Variants in HDGFL3 observed in about 807,000 individuals in gnomAD.
HDGFL3 encodes HDGF like 3.
Under a neutral mutation model 27.6 loss-of-function variants are expected in HDGFL3, and 6 were observed. The ratio of observed to expected loss-of-function variants is 0.22; its 90% CI spans 0.12 to 0.43. The LOEUF (loss-of-function observed/expected upper bound fraction) is 0.43, where lower values mean the gene tolerates loss of function less well. HDGFL3 is among the 20% of genes least tolerant of loss of function. The pLI is 1.00. For synonymous variants in HDGFL3, 88 were observed against 88.9 expected, an observed-to-expected ratio of 0.99 and a Z score of 0.05; for missense variants, 207 against 250.1, an observed-to-expected ratio of 0.83 and a Z score of 1.16.
intron 1 of HDGFL3, chr15:83,189,644 C>G (rs2037487613): frequency 6.6e-6 from 1 of 152,116 alleles, no homozygotes; most frequent in African/African-American, 2.4e-5. Context: ...CATATCTCCC[C>G]CTCTAAACTA....
intron 3 of HDGFL3, 93 bp from the exon 4 acceptor site, chr15:83,157,666 GT>G: frequency 7.9e-7 from 1 of 1,260,024 alleles, no homozygotes; most frequent in Non-Finnish European, 1.1e-6. Flanking sequence ...ATTTGAAAGG[GT>G]TCCGCTTACT....
intron 1 of HDGFL3, among the ~76,000 whole-genome samples, chr15:83,200,044 CAAAAAAAAA>C (rs796608256): frequency 2.4e-5 from 2 of 83,764 alleles, no homozygotes; most frequent in Non-Finnish European, 4.7e-5. Flanking sequence ...AACTCCATCT[CAAAAAAAAA>C]AAAAAAAAGG....
intron 4 of HDGFL3, among the ~76,000 whole-genome samples, chr15:83,156,371 T>C (rs2037029244): frequency 6.6e-6 from 1 of 152,158 alleles, no homozygotes; most frequent in Non-Finnish European, 1.5e-5. Flanking sequence ...TTTACGTGAT[T>C]ACTGTGTGCT....
At position 83,207,470 on chromosome 15, in the gene HDGFL3, G is replaced by T. The variant is rs561159915; in HGVS notation, c.-56C>A. 6 of 1,215,302 alleles carry T rather than the reference G, an allele frequency of 4.9e-6. No individual in the cohort carries two copies. The South Asian group carries it at 2.1e-4, about 42-fold the overall frequency. 75.3% of individuals were successfully genotyped at this position (1,215,302 alleles called of 1,614,324 possible). A position where few individuals can be genotyped will look rare whatever the true frequency, so the allele number is the denominator to read the frequency against. Reference sequence around the variant, plus strand: ...GTCGCCGCGAAGATGCCGGGAGGCCGCCCCCCCGCGGGCCGACGAATTGCG... The same window carrying T: ...GTCGCCGCGAAGATGCCGGGAGGCCTCCCCCCCGCGGGCCGACGAATTGCG... On this transcript the variant is annotated 5_prime_UTR_variant, in exon 1 of 6. Coordinates refer to ENST00000299633, the MANE Select transcript of HDGFL3 (RefSeq NM_016073.4). This position sits in a 1 kb window ranked among gnomAD's most constrained non-coding sequence, Gnocchi z 4.8.
intron 1 of HDGFL3, among the ~76,000 whole-genome samples, chr15:83,187,327 C>A (rs952174399): frequency 6.6e-6 from 1 of 151,784 alleles, no homozygotes; most frequent in Non-Finnish European, 1.5e-5. Context: ...GTTACACGGG[C>A]AGAGTTTTTT....
intron 1 of HDGFL3, among the ~76,000 whole-genome samples, chr15:83,167,207 G>C (rs1373462309): frequency 1.3e-5 from 2 of 152,178 alleles, no homozygotes; most frequent in Admixed American, 6.5e-5. Context: ...AAACATAAAA[G>C]AGCAGGAGTT....
chr15:83,151,107 C>T, intron 5 of HDGFL3, 108 bp downstream of exon 5: 1 of 1,030,524 alleles, frequency 9.7e-7, no homozygotes, highest in African/African-American at 1.6e-5. Context: ...GCTGAGAATA[C>T]TTCTCCATTT....
At chr15:83,197,926 T>C (rs2037591464) in intron 1 of HDGFL3, among the ~76,000 whole-genome samples, 1 of 150,370 alleles carries the variant, frequency 6.7e-6, no homozygotes, top group South Asian at 2.1e-4. Flanking sequence ...TCCCAGCTAA[T>C]TGGGAGGCTG....
intron 1 of HDGFL3, among the ~76,000 whole-genome samples, chr15:83,195,417 C>T (rs553633281): frequency 1.3e-5 from 2 of 151,954 alleles, no homozygotes; most frequent in African/African-American, 4.8e-5. Flanking sequence ...ATAAATGTGT[C>T]TTTTTAAAAA....
At position 83,164,089 on chromosome 15, in the gene HDGFL3, A is replaced by G. The variant is rs1228295255; in HGVS notation, c.85-14T>C. On this transcript the variant is annotated splice_polypyrimidine_tract_variant and intron_variant, in intron 1 of 5. Coordinates refer to ENST00000299633, the MANE Select transcript of HDGFL3 (RefSeq NM_016073.4). ...GAGTTCATCAATCTATGAAAGATACATTTAGTTACTGAGTGAGTGGTTATC... is the reference window on the plus strand; with the variant it reads ...GAGTTCATCAATCTATGAAAGATACGTTTAGTTACTGAGTGAGTGGTTATC... 1 of 1,549,008 alleles carries G rather than the reference A, an allele frequency of 6.5e-7. No homozygotes were observed. Among genetic ancestry groups the G allele is most frequent in the Non-Finnish European group, 8.8e-7 (1 of 1,134,830 alleles).
rs757937762 is a variant in HDGFL3, at chr15:83,136,665, TGG to T, written c.*2603_*2604del. The T allele has an allele frequency of 5.0e-6, 8 of 1,592,720 alleles. No homozygotes were observed. Among genetic ancestry groups the T allele is most frequent in the Non-Finnish European group, 6.0e-6 (7 of 1,174,482 alleles). ...ATAAAAACAAAGGCAGAAGAAAAAG[TGG>T]AATAAAAATATTACTTCATGTTCCT... is the stretch of plus-strand genomic sequence containing the variant. On this transcript the variant is annotated 3_prime_UTR_variant, in exon 6 of 6. Transcript: ENST00000299633.
intron 3 of HDGFL3, chr15:83,119,616 C>G (rs757040990): frequency 1.2e-6 from 2 of 1,614,198 alleles, no homozygotes; most frequent in Non-Finnish European, 8.5e-7. Context: ...GGCACATGAT[C>G]TGCTACTGGG....
rs1567167475 is a variant in HDGFL3 at position 83,151,313 on chromosome 15, C to G, written c.508G>C (p.Asp170His). The G allele has an allele frequency of 6.2e-7, 1 of 1,613,276 alleles. No homozygotes were observed. Among genetic ancestry groups the G allele is most frequent in the Non-Finnish European group, 8.5e-7 (1 of 1,179,686 alleles). The change falls in exon 5 of 6, where the codon GAC (aspartate) becomes CAC (histidine). Residue 170 changes from aspartate to histidine, a missense_variant. Transcript: ENST00000299633. Reference protein sequence around the residue: ...RKSPGDEDDKDCKEEENKSSS... With the variant: ...RKSPGDEDDKHCKEEENKSSS... ...CTTTTGTTTTCCTCTTCTTTGCAGT[C>G]TTTGTCATCTTCATCTCCTGGAGAT... is the stretch of plus-strand genomic sequence containing the variant.
chr15:83,113,029 T>C, exon 4 of HDGFL3: 1 of 777,996 alleles, frequency 1.3e-6, no homozygotes, highest in African/African-American at 1.7e-5. Context: ...AGTGTAGGGG[T>C]GTTTCAGGAC....
intron 2 of HDGFL3, 23 bp from the exon 3 acceptor site, chr15:83,158,064 G>C: frequency 6.3e-7 from 1 of 1,579,032 alleles, no homozygotes. Context: ...ATTAGAAATA[G>C]AATTGACACA....
chr15:83,124,801 G>C, downstream of HDGFL3: 1 of 1,539,990 alleles, frequency 6.5e-7, no homozygotes. Context: ...TCATAATAAC[G>C]TAACATTGTG....
intron 1 of HDGFL3, among the ~76,000 whole-genome samples, chr15:83,194,841 T>C (rs1170344448): frequency 2.0e-5 from 3 of 152,162 alleles, no homozygotes; most frequent in Non-Finnish European, 4.4e-5. Context: ...AGCTTTCTCA[T>C]CCCTTCGAAA....
At chr15:83,200,861 T>A (rs1262175538) in intron 1 of HDGFL3, among the ~76,000 whole-genome samples, 3 of 150,980 alleles carry the variant, frequency 2.0e-5, no homozygotes, top group African/African-American at 7.3e-5. Context: ...TTATTCTTTT[T>A]TTTTTTTTTT....
chr15:83,207,439 T>A lies in HDGFL3; in HGVS notation c.-25A>T. 5.5e-6 allele frequency: 7 copies of A among 1,284,086 alleles called. No homozygotes were observed. The highest frequency in any genetic ancestry group is 7.0e-6 in the Non-Finnish European group (7 of 1,006,946). The allele number at this position is 1,284,086 out of a possible 1,614,324, so 79.5% of individuals were successfully genotyped here. A position where few individuals can be genotyped will look rare whatever the true frequency, so the allele number is the denominator to read the frequency against. On this transcript the variant is annotated 5_prime_UTR_variant, in exon 1 of 6. Transcript: ENST00000299633. This position sits in a 1 kb window ranked among gnomAD's most constrained non-coding sequence, Gnocchi z 4.8. ...TCCCAGCCGCTCCCCTTCCTGGTAG[T>A]CCTTGGTCGCCGCGAAGATGCCGGG...
Sources: gnomAD v4.1 joint callset for allele counts (sites outside exome capture counted in the v4.1 genomes callset) on GRCh38, gnomAD v4.1.1 for gene constraint, Gnocchi (gnomAD v3.1) non-coding constraint, MANE v1.5 for transcripts, NCBI Gene and HGNC (gene_info 2026-07-23, HGNC 2026-07-21) for gene names.